ZBTB7C: variants seen among roughly 807,000 people sequenced by gnomAD.
The protein encoded by ZBTB7C is zinc finger and BTB domain containing 7C.
Under a neutral mutation model 25.7 loss-of-function variants are expected in ZBTB7C, and 8 were observed. The observed-to-expected ratio is 0.31, with a 90% CI of 0.18 to 0.56. ZBTB7C has a LOEUF of 0.56. Among genes scored for constraint, ZBTB7C ranks in the 20% least tolerant of loss-of-function variants. ZBTB7C has a pLI of 0.91. For missense variants in ZBTB7C, 824 were observed against 855.2 expected (o/e 0.96, Z 0.46); for synonymous variants, 394 against 369.0 (o/e 1.07, Z -0.78).
intron 2 of ZBTB7C, among the ~76,000 whole-genome samples, chr18:48,197,714 T>A (rs554477333): frequency 6.6e-6 from 1 of 152,304 alleles, no homozygotes; most frequent in South Asian, 2.1e-4. Context: ...GAATACACTC[T>A]CTGGTGTCTC....
chr18:48,278,325 T>A (rs554777161), intron 2 of ZBTB7C, among the ~76,000 whole-genome samples: 82 of 152,250 alleles, frequency 5.4e-4, no homozygotes, highest in Non-Finnish European at 8.8e-4. Context: ...GTCAAGAGCA[T>A]CTCCAAGGCC....
chr18:48,234,238 A>ATAT (rs1257146966), intron 2 of ZBTB7C, among the ~76,000 whole-genome samples: 1 of 152,152 alleles, frequency 6.6e-6, no homozygotes, highest in East Asian at 1.9e-4. Context: ...ATGCGTTATT[A>ATAT]TATACTATAC....
intron 2 of ZBTB7C, among the ~76,000 whole-genome samples, chr18:48,243,056 A>G (rs2043573674): frequency 6.6e-6 from 1 of 152,050 alleles, no homozygotes; most frequent in Non-Finnish European, 1.5e-5. Context: ...TTGAGGACAG[A>G]GTTCAAGACC....
intron 2 of ZBTB7C, among the ~76,000 whole-genome samples, chr18:48,325,639 C>T (rs1339200864): frequency 6.6e-6 from 1 of 152,212 alleles, no homozygotes; most frequent in Non-Finnish European, 1.5e-5. Flanking sequence ...GGATTGCCAG[C>T]ACAAGGCCCC....
chr18:48,031,256 C>A (rs2035735440), intron 4 of ZBTB7C, among the ~76,000 whole-genome samples: 1 of 152,152 alleles, frequency 6.6e-6, no homozygotes, highest in South Asian at 2.1e-4. Context: ...AAAGGACATT[C>A]CCATGAATAC....
chr18:48,049,333 C>T (rs564625498), intron 3 of ZBTB7C, among the ~76,000 whole-genome samples: 9 of 152,140 alleles, frequency 5.9e-5, no homozygotes, highest in African/African-American at 1.2e-4. Context: ...TGGATCTCGC[C>T]GAGTGGTATG....
At chr18:48,366,869 G>T (rs1034646876) in intron 1 of ZBTB7C, among the ~76,000 whole-genome samples, 1 of 152,012 alleles carries the variant, frequency 6.6e-6, no homozygotes, top group Non-Finnish European at 1.5e-5. Context: ...ATGTGAAAGG[G>T]CACACATACA....
intron 1 of ZBTB7C, among the ~76,000 whole-genome samples, chr18:48,391,060 G>T (rs774160461): frequency 1.4e-4 from 22 of 152,144 alleles, no homozygotes; most frequent in Non-Finnish European, 2.5e-4. Context: ...AAACCTCCAA[G>T]TTTCCATTTC....
At chr18:48,109,598 G>A (rs1393806088) in intron 3 of ZBTB7C, among the ~76,000 whole-genome samples, 1 of 147,166 alleles carries the variant, frequency 6.8e-6, no homozygotes, top group Non-Finnish European at 1.5e-5. Flanking sequence ...TATCAGGAAG[G>A]TGTTGCAACA....
intron 1 of ZBTB7C, among the ~76,000 whole-genome samples, chr18:48,393,253 C>G (rs1470359072): frequency 3.4e-5 from 4 of 117,964 alleles, no homozygotes; most frequent in African/African-American, 1.3e-4. Flanking sequence ...CACCTCCCCA[C>G]CCCCCACCCC....
intron 2 of ZBTB7C, among the ~76,000 whole-genome samples, chr18:48,209,270 G>A (rs893764429): frequency 6.6e-6 from 1 of 152,188 alleles, no homozygotes; most frequent in African/African-American, 2.4e-5. Flanking sequence ...GCTGGCATCT[G>A]GGAACTTCCA....
At chr18:48,143,301 C>T (rs1311673222) in intron 3 of ZBTB7C, among the ~76,000 whole-genome samples, 1 of 152,144 alleles carries the variant, frequency 6.6e-6, no homozygotes, top group Non-Finnish European at 1.5e-5. Flanking sequence ...TTTTCTTCCT[C>T]CAGCAGGGTC....
intron 4 of ZBTB7C, among the ~76,000 whole-genome samples, chr18:48,035,770 G>A (rs1023158019): frequency 5.3e-5 from 8 of 152,232 alleles, no homozygotes; most frequent in East Asian, 1.9e-4. Flanking sequence ...ACCTCTGGCC[G>A]AAGCCTGCCA....
At chr18:48,307,255 C>T (rs1014278983) in intron 2 of ZBTB7C, among the ~76,000 whole-genome samples, 7 of 152,298 alleles carry the variant, frequency 4.6e-5, no homozygotes, top group South Asian at 4.1e-4. Flanking sequence ...CCGTGTTCTA[C>T]GACTCTGAGC....
chr18:48,301,016 T>G (rs1264074510), intron 2 of ZBTB7C, among the ~76,000 whole-genome samples: 1 of 152,084 alleles, frequency 6.6e-6, no homozygotes, highest in Non-Finnish European at 1.5e-5. Flanking sequence ...GAGGACTCAG[T>G]AAGGTTGAGT....
chr18:48,349,278 A>T (rs1003021526), intron 1 of ZBTB7C, among the ~76,000 whole-genome samples: 1 of 152,218 alleles, frequency 6.6e-6, no homozygotes, highest in Non-Finnish European at 1.5e-5. Context: ...GATGAAAGAA[A>T]TGTCAGAGAA....
At chr18:48,248,336 A>G (rs1200524669) in intron 2 of ZBTB7C, among the ~76,000 whole-genome samples, 2 of 152,160 alleles carry the variant, frequency 1.3e-5, no homozygotes, top group African/African-American at 4.8e-5. Context: ...AGTTCTTTAT[A>G]GCAGTGAGAG....
intron 1 of ZBTB7C, among the ~76,000 whole-genome samples, chr18:48,381,343 T>C (rs954434859): frequency 6.6e-6 from 1 of 152,154 alleles, no homozygotes; most frequent in Non-Finnish European, 1.5e-5. Flanking sequence ...TTGGAGCACA[T>C]CAGAGACACA....
At chr18:48,284,690 C>G (rs2044982431) in intron 2 of ZBTB7C, among the ~76,000 whole-genome samples, 1 of 150,290 alleles carries the variant, frequency 6.7e-6, no homozygotes, top group African/African-American at 2.4e-5. Flanking sequence ...ACTCAGGAGG[C>G]TGAGGCACGA....
Sources: gnomAD v4.1 joint callset for allele counts (sites outside exome capture counted in the v4.1 genomes callset) on GRCh38, gnomAD v4.1.1 for gene constraint, MANE v1.5 for transcripts, NCBI Gene and HGNC (gene_info 2026-07-23, HGNC 2026-07-21) for gene names.